Variants in MPPED2 observed in about 807,000 individuals in gnomAD.
The protein encoded by MPPED2 is metallophosphoesterase MPPED2.
Under a neutral mutation model 33.0 loss-of-function variants are expected in MPPED2, and 5 were observed. The ratio of observed to expected loss-of-function variants is 0.15; its 90% CI spans 0.08 to 0.32. The LOEUF is 0.32. MPPED2 is among the 10% of genes least tolerant of loss of function. The pLI is 1.00. For synonymous variants in MPPED2, 136 were observed against 141.9 expected (o/e 0.96, Z 0.29); for missense variants, 275 against 372.1 (o/e 0.74, Z 2.15).
intron 4 of MPPED2, among the ~76,000 whole-genome samples, chr11:30,485,609 T>G (rs1027459060): frequency 6.6e-6 from 1 of 152,208 alleles, no homozygotes; most frequent in Non-Finnish European, 1.5e-5. Flanking sequence ...ATGTTTGAGC[T>G]ATGCCCAATG....
rs149483246 is a variant in MPPED2, at chr11:30,417,880, G to A, written c.537-247C>T. ...AGCCTTTACAGTGGAGACTTTCCCA[G>A]CAGGCCTCTATCAAAATCTTGACAA... On this transcript the variant is annotated intron_variant, in intron 4 of 6. Coordinates refer to ENST00000358117, the MANE Select transcript of MPPED2 (RefSeq NM_001584.3). Among the ~76,000 whole-genome samples the A allele has an allele frequency of 4.3e-4, 65 of 152,254 alleles. No individual in the cohort carries two copies. The East Asian group carries it at 0.011, about 27-fold the overall frequency.
intron 6 of MPPED2, among the ~76,000 whole-genome samples, chr11:30,392,855 T>C (rs1397915110): frequency 6.6e-6 from 1 of 152,224 alleles, no homozygotes; most frequent in Non-Finnish European, 1.5e-5. Flanking sequence ...AAGAAGTGCC[T>C]ATTTTAAAAT....
intron 4 of MPPED2, among the ~76,000 whole-genome samples, chr11:30,467,936 G>A (rs1184838567): frequency 6.6e-6 from 1 of 152,044 alleles, no homozygotes; most frequent in Non-Finnish European, 1.5e-5. Flanking sequence ...GCAGAACCAA[G>A]GCAAAACAAC....
In MPPED2 at chr11:30,508,396, T is replaced by C. The variant is rs542062334; in HGVS notation, c.311-12875A>G. On this transcript the variant is annotated intron_variant, in intron 3 of 6. Coordinates refer to ENST00000358117, the MANE Select transcript of MPPED2 (RefSeq NM_001584.3). ...GTAAATTTCTCTCCCTCCTCATACA[T>C]ATGCATACACTCTGTCAAAGAGCAG... Among the ~76,000 whole-genome samples, 3 of 152,326 alleles carry C rather than the reference T, an allele frequency of 2.0e-5. No individual in the cohort carries two copies. The East Asian group carries it at 5.8e-4, about 29-fold the overall frequency.
At chr11:30,399,302 G>C (rs1947878642) in intron 6 of MPPED2, among the ~76,000 whole-genome samples, 1 of 151,784 alleles carries the variant, frequency 6.6e-6, no homozygotes, top group Non-Finnish European at 1.5e-5. Context: ...CCATGTCTCA[G>C]ACAAACCACT....
chr11:30,407,158 C>T (rs1221862964), downstream of MPPED2, among the ~76,000 whole-genome samples: 5 of 152,194 alleles, frequency 3.3e-5, no homozygotes, highest in African/African-American at 7.2e-5. Context: ...GGCTGGCCAC[C>T]TGTCAGAATA....
intron 2 of MPPED2, among the ~76,000 whole-genome samples, chr11:30,564,098 T>G (rs1296975913): frequency 6.6e-6 from 1 of 152,176 alleles, no homozygotes; most frequent in African/African-American, 2.4e-5. Flanking sequence ...TGTCTTAACC[T>G]TTTCTCAAGA....
chr11:30,571,013 T>A (rs1956663782), intron 2 of MPPED2, among the ~76,000 whole-genome samples: 1 of 152,232 alleles, frequency 6.6e-6, no homozygotes, highest in African/African-American at 2.4e-5. Context: ...TGTAGAGTCC[T>A]GCAGTTTTTT....
intron 4 of MPPED2, among the ~76,000 whole-genome samples, chr11:30,473,758 G>A (rs142775024): frequency 4.6e-5 from 7 of 152,272 alleles, no homozygotes; most frequent in African/African-American, 1.7e-4. Context: ...CAGTTACCAT[G>A]TTGTGAGCTG....
At chr11:30,470,261 A>G (rs761716672) in intron 4 of MPPED2, among the ~76,000 whole-genome samples, 4 of 152,172 alleles carry the variant, frequency 2.6e-5, no homozygotes, top group Non-Finnish European at 5.9e-5. Flanking sequence ...CAGTATGGTC[A>G]GTCAAGCAAA....
At chr11:30,425,451 G>T (rs1948792106) in intron 4 of MPPED2, 1 of 152,184 alleles carries the variant, frequency 6.6e-6, no homozygotes, top group Non-Finnish European at 1.5e-5. Context: ...GCCCTCTCAA[G>T]CATACCTGCC....
chr11:30,451,654 C>A, intron 4 of MPPED2: 1 of 929,920 alleles, frequency 1.1e-6, no homozygotes, highest in African/African-American at 1.8e-5. Flanking sequence ...GCCTGTATTT[C>A]AAATGTTCAC....
chr11:30,386,293 C>T (rs1303034853), exon 7 of MPPED2: 1 of 155,340 alleles, frequency 6.4e-6, no homozygotes, highest in African/African-American at 2.4e-5. Context: ...CAGAGATTTT[C>T]AAGGCCACCC....
intron 4 of MPPED2, among the ~76,000 whole-genome samples, chr11:30,459,894 T>A (rs1950449512): frequency 6.6e-6 from 1 of 152,212 alleles, no homozygotes; most frequent in Non-Finnish European, 1.5e-5. Flanking sequence ...ACTCTTTTTT[T>A]CCAAAAATGA....
At chr11:30,536,997 G>T (rs909434790) in intron 2 of MPPED2, among the ~76,000 whole-genome samples, 3 of 152,112 alleles carry the variant, frequency 2.0e-5, no homozygotes, top group Non-Finnish European at 2.9e-5. Context: ...AGAGACCTAA[G>T]CACTGTGAAA....
Position 30,472,987 on chromosome 11 carries a change from A to AT in MPPED2, c.536+22308dup, listed in dbSNP as rs1361000900. Among the ~76,000 whole-genome samples the AT allele has an allele frequency of 2.4e-4, 37 of 152,222 alleles. 1 individual carries two copies. Among genetic ancestry groups the AT allele is most frequent in the Admixed American group, 2.4e-3 (37 of 15,280 alleles). ...ACAATGGATAAACATCCTCTATGAA[A>AT]TTTTTATTTCAGTTCAAATAGTTAT... On this transcript the variant is annotated intron_variant, in intron 4 of 6. Transcript: ENST00000358117.
chr11:30,535,902 G>C (rs534629172), intron 3 of MPPED2, 92 bp downstream of exon 3: 1 of 1,072,492 alleles, frequency 9.3e-7, no homozygotes, highest in African/African-American at 1.6e-5. Flanking sequence ...GGCTGAGCTG[G>C]CTTCCAAGTG....
At chr11:30,500,549 CT>C (rs1230987749) in intron 3 of MPPED2, among the ~76,000 whole-genome samples, 4 of 152,122 alleles carry the variant, frequency 2.6e-5, no homozygotes. Flanking sequence ...TTGGAGATTC[CT>C]TATGTTCTCT....
chr11:30,461,299 G>A (rs1202571330), intron 4 of MPPED2, among the ~76,000 whole-genome samples: 1 of 152,038 alleles, frequency 6.6e-6, no homozygotes, highest in Admixed American at 6.5e-5. Flanking sequence ...TGGTGGTGAT[G>A]GTTGCACAAC....
Sources: allele counts gnomAD v4.1 joint callset (sites outside exome capture counted in the v4.1 genomes callset), GRCh38; gene constraint gnomAD v4.1.1; transcripts MANE v1.5; gene names NCBI Gene and HGNC (gene_info 2026-07-23, HGNC 2026-07-21).